The following EXT1 variants were observed in gnomAD, a reference collection of about 807,000 sequenced individuals.
EXT1 encodes exostosin-1.
In EXT1, 20 loss-of-function variants were observed where a neutral mutation model predicts 82.5. The ratio of observed to expected loss-of-function variants is 0.24; its 90% CI spans 0.17 to 0.35. The LOEUF (loss-of-function observed/expected upper bound fraction) is 0.35. EXT1 is among the 10% of genes least tolerant of loss of function. The pLI is 1.00. For synonymous variants in EXT1, 348 were observed against 350.8 expected (o/e 0.99, Z 0.09); for missense variants, 757 against 936.5 (o/e 0.81, Z 2.50).
At chr8:117,854,402 G>GA (rs1032216046) in intron 1 of EXT1, among the ~76,000 whole-genome samples, 5 of 152,114 alleles carry the variant, frequency 3.3e-5, no homozygotes, top group African/African-American at 1.2e-4. Flanking sequence ...TAATCTCTTA[G>GA]AAAAAAACTG....
chr8:117,888,488 G>A (rs1813187924), intron 1 of EXT1, among the ~76,000 whole-genome samples: 1 of 152,070 alleles, frequency 6.6e-6, no homozygotes, highest in Admixed American at 6.6e-5. Context: ...TTGCCACATA[G>A]AGTCACACCA....
At chr8:117,927,542 T>C (rs980893972) in intron 1 of EXT1, among the ~76,000 whole-genome samples, 3 of 152,200 alleles carry the variant, frequency 2.0e-5, no homozygotes, top group Non-Finnish European at 4.4e-5. Context: ...GTAGTCCTTA[T>C]CTGAAGGGAT....
chr8:117,923,935 C>G (rs947420091), intron 1 of EXT1, among the ~76,000 whole-genome samples: 7 of 152,128 alleles, frequency 4.6e-5, no homozygotes, highest in Admixed American at 4.6e-4. Flanking sequence ...AGAAGGAAAA[C>G]ACAGAGACAT....
chr8:117,819,898 C>G, intron 5 of EXT1, 104 bp from the exon 6 acceptor site: 1 of 1,073,342 alleles, frequency 9.3e-7, no homozygotes, highest in South Asian at 1.4e-5. Context: ...AATGTTCCCT[C>G]CTGGATGATT....
At chr8:118,040,053 T>A (rs1008563311) in intron 1 of EXT1, among the ~76,000 whole-genome samples, 1 of 152,202 alleles carries the variant, frequency 6.6e-6, no homozygotes, top group Admixed American at 6.5e-5. Flanking sequence ...CATAAAAATC[T>A]CAAATGAGAA....
intron 1 of EXT1, among the ~76,000 whole-genome samples, chr8:117,979,151 G>C (rs1184023198): frequency 6.6e-6 from 1 of 152,094 alleles, no homozygotes; most frequent in East Asian, 1.9e-4. Context: ...TCAGGAGTTT[G>C]AGACCAGCCT....
At chr8:117,812,987 G>A in intron 7 of EXT1, 26 bp from the exon 8 acceptor site, 2 of 1,592,434 alleles carry the variant, frequency 1.3e-6, no homozygotes, top group South Asian at 1.1e-5. Context: ...AGTAGGCAGT[G>A]GGGAGGGAAT....
intron 1 of EXT1, among the ~76,000 whole-genome samples, chr8:118,079,865 A>G (rs1817279840): frequency 6.6e-6 from 1 of 152,198 alleles, no homozygotes; most frequent in African/African-American, 2.4e-5. Context: ...CTTGGAAATA[A>G]GAAATAACTT....
chr8:118,032,031 T>G (rs1816330092), intron 1 of EXT1, among the ~76,000 whole-genome samples: 1 of 151,346 alleles, frequency 6.6e-6, no homozygotes, highest in African/African-American at 2.4e-5. Context: ...GCCACACCCT[T>G]GCAGTGACTG....
intron 1 of EXT1, among the ~76,000 whole-genome samples, chr8:117,945,612 C>T (rs1814372330): frequency 6.6e-6 from 1 of 152,034 alleles, no homozygotes; most frequent in Non-Finnish European, 1.5e-5. Context: ...AGCAATTCTC[C>T]ATCCTCAGCC....
chr8:117,992,934 T>C (rs1299842989), intron 1 of EXT1, among the ~76,000 whole-genome samples: 1 of 152,202 alleles, frequency 6.6e-6, no homozygotes, highest in Non-Finnish European at 1.5e-5. Flanking sequence ...TAAATCTCAA[T>C]ATTTCAGCTT....
At chr8:117,997,407 G>C (rs1313304768) in intron 1 of EXT1, among the ~76,000 whole-genome samples, 1 of 151,264 alleles carries the variant, frequency 6.6e-6, no homozygotes, top group African/African-American at 2.4e-5. Context: ...TGTATATTTA[G>C]AGTTCTACTC....
intron 1 of EXT1, among the ~76,000 whole-genome samples, chr8:118,053,479 A>G (rs1289227497): frequency 6.6e-6 from 1 of 152,120 alleles, no homozygotes; most frequent in Non-Finnish European, 1.5e-5. Context: ...GACAAAGTAC[A>G]TTTTCCACAT....
intron 8 of EXT1, among the ~76,000 whole-genome samples, chr8:117,809,245 T>TA (rs1554657620): frequency 4.5e-4 from 30 of 66,086 alleles, no homozygotes; most frequent in Middle Eastern, 0.012. Flanking sequence ...ATATATATAT[T>TA]ATGTTCTATT....
At chr8:117,971,660 G>A (rs1162110279) in intron 1 of EXT1, among the ~76,000 whole-genome samples, 1 of 152,024 alleles carries the variant, frequency 6.6e-6, no homozygotes, top group Admixed American at 6.6e-5. Context: ...GGCGATGAAG[G>A]GCTAAAGAAT....
In EXT1 at chr8:118,005,997, T is replaced by C. The variant is rs1815767671; in HGVS notation, c.962+104088A>G. On this transcript the variant is annotated intron_variant, in intron 1 of 10. Coordinates refer to ENST00000378204, the MANE Select transcript of EXT1 (RefSeq NM_000127.3). ...AAACAGGACAATTCTTATTACTCTA[T>C]AGGTAAGAATGCAGGTAAAATAATG... is the stretch of plus-strand genomic sequence containing the variant. Among the ~76,000 whole-genome samples the C allele has an allele frequency of 2.0e-5, 3 of 152,198 alleles. No individual in the cohort carries two copies. The South Asian group carries it at 6.2e-4, about 31-fold the overall frequency.
chr8:118,031,490 A>G (rs531404537), intron 1 of EXT1, among the ~76,000 whole-genome samples: 15 of 151,508 alleles, frequency 9.9e-5, no homozygotes, highest in Non-Finnish European at 2.1e-4. Flanking sequence ...GAGTCATTGT[A>G]CTCTAGCTGG....
At chr8:117,981,424 G>A (rs189028503) in intron 1 of EXT1, among the ~76,000 whole-genome samples, 143 of 152,272 alleles carry the variant, frequency 9.4e-4, no homozygotes, top group Non-Finnish European at 1.3e-4. Context: ...GTACTTTGGA[G>A]CTACCCACTA....
Position 118,111,288 on chromosome 8 carries a change from G to A in EXT1, c.-242C>T, listed in dbSNP as rs1468503332. 9.5e-6 allele frequency: 6 copies of A among 630,450 alleles called. No individual in the cohort carries two copies. Among genetic ancestry groups the A allele is most frequent in the Non-Finnish European group, 1.1e-5 (4 of 361,156 alleles). 39.1% of individuals were successfully genotyped at this position (630,450 alleles called of 1,614,324 possible). ...TTGCACAATGCACGGGAGAGAGCGG[G>A]GCTGAATATCTCGCACCCAGGGCGG... On this transcript the variant is annotated 5_prime_UTR_variant, in exon 1 of 11. Transcript: ENST00000378204.
Sources: allele counts gnomAD v4.1 joint callset (sites outside exome capture counted in the v4.1 genomes callset), GRCh38; gene constraint gnomAD v4.1.1; transcripts MANE v1.5; gene names NCBI Gene and HGNC (gene_info 2026-07-23, HGNC 2026-07-21).